TNKS2: variants seen among roughly 807,000 people sequenced by gnomAD.
The protein encoded by TNKS2 is poly [ADP-ribose] polymerase tankyrase-2.
TNKS2 carries 72 observed loss-of-function variants against 137.6 expected under a neutral mutation model. The observed-to-expected ratio is 0.52, with a 90% CI of 0.43 to 0.64. The LOEUF (loss-of-function observed/expected upper bound fraction) is 0.64. Among genes scored for constraint, TNKS2 ranks in the 30% least tolerant of loss-of-function variants. The probability of loss-of-function intolerance (pLI) is 0.00; values close to 1 mark genes in which losing one functional copy is unlikely to be tolerated. For missense variants in TNKS2, 1,049 were observed against 1,410.2 expected (o/e 0.74, Z 4.10); for synonymous variants, 516 against 512.1 (o/e 1.01, Z -0.10).
Position 91,808,430 on chromosome 10 carries a change from A to G in TNKS2, c.200-4553A>G, listed in dbSNP as rs992161762. ...AGTTCATGAAGGAGCTTTTAAGGCC[A>G]TAGTAGAGTGTTTGAATTTTATTCT... On this transcript the variant is annotated intron_variant, in intron 1 of 26. Coordinates refer to ENST00000371627, the MANE Select transcript of TNKS2 (RefSeq NM_025235.4). Among the ~76,000 whole-genome samples the G allele has an allele frequency of 1.2e-4, 18 of 152,296 alleles. No individual in the cohort carries two copies. The East Asian group carries it at 3.3e-3, about 28-fold the overall frequency.
At chr10:91,828,963 T>A (rs1379336157) in intron 9 of TNKS2, among the ~76,000 whole-genome samples, 8 of 152,002 alleles carry the variant, frequency 5.3e-5, no homozygotes. Flanking sequence ...TAGGGATACA[T>A]GATAAAAGAT....
chr10:91,809,813 A>G (rs1844442085), intron 1 of TNKS2, among the ~76,000 whole-genome samples: 1 of 151,420 alleles, frequency 6.6e-6, no homozygotes, highest in Admixed American at 6.6e-5. Flanking sequence ...TTCTTTAAAG[A>G]AAAAAAAAGG....
At chr10:91,816,721 G>A (rs1844714669) in intron 2 of TNKS2, among the ~76,000 whole-genome samples, 1 of 141,810 alleles carries the variant, frequency 7.1e-6, no homozygotes, top group Non-Finnish European at 1.5e-5. Flanking sequence ...ACATATCTCT[G>A]TTCCCAGGCT....
intron 24 of TNKS2, among the ~76,000 whole-genome samples, chr10:91,858,995 C>T (rs1842784125): frequency 6.6e-6 from 1 of 151,398 alleles, no homozygotes; most frequent in African/African-American, 2.4e-5. Flanking sequence ...GGCCACAGAG[C>T]GAGACTACAT....
chr10:91,803,004 C>CA (rs1214702360), intron 1 of TNKS2, among the ~76,000 whole-genome samples: 4 of 152,174 alleles, frequency 2.6e-5, no homozygotes, highest in African/African-American at 9.7e-5. Context: ...ACTTCAATAA[C>CA]AAGAGTTTGG....
At chr10:91,809,751 C>T (rs1844440152) in intron 1 of TNKS2, among the ~76,000 whole-genome samples, 1 of 151,912 alleles carries the variant, frequency 6.6e-6, no homozygotes, top group South Asian at 2.1e-4. Context: ...GACCTATCTA[C>T]TGCCTGTCTC....
chr10:91,814,204 C>T (rs939180315), intron 2 of TNKS2, among the ~76,000 whole-genome samples: 22 of 152,078 alleles, frequency 1.4e-4, no homozygotes, highest in African/African-American at 5.3e-4. Context: ...GATCTTGAGC[C>T]TATGTAGGCC....
At chr10:91,810,275 A>G (rs548054504) in intron 1 of TNKS2, among the ~76,000 whole-genome samples, 54 of 151,886 alleles carry the variant, frequency 3.6e-4, no homozygotes, top group African/African-American at 1.2e-3. Flanking sequence ...CTACTCAGGA[A>G]GCTAAGGCAG....
chr10:91,847,080 G>T (rs1417048509), intron 18 of TNKS2, among the ~76,000 whole-genome samples: 1 of 152,068 alleles, frequency 6.6e-6, no homozygotes, highest in Non-Finnish European at 1.5e-5. Context: ...TAAAGTCTTT[G>T]GCATGGTATC....
At position 91,863,096 on chromosome 10, in the gene TNKS2, C is replaced by A; in HGVS notation, c.*97C>A. 1 of 801,590 alleles carries A rather than the reference C, an allele frequency of 1.2e-6. No individual in the cohort carries two copies. The highest frequency in any genetic ancestry group is 2.0e-6 in the Non-Finnish European group (1 of 493,782). 49.7% of individuals were successfully genotyped at this position (801,590 alleles called of 1,614,324 possible). ...CCTTTGCTGAAAAAAAATCATCTTG[C>A]CCACAGGCCTGTGGCAAAAGGATAA... On this transcript the variant is annotated 3_prime_UTR_variant, in exon 27 of 27. Coordinates refer to ENST00000371627, the MANE Select transcript of TNKS2 (RefSeq NM_025235.4).
chr10:91,840,529 T>C, intron 13 of TNKS2, 32 bp from the exon 14 acceptor site: 1 of 1,580,654 alleles, frequency 6.3e-7, no homozygotes, highest in Non-Finnish European at 8.6e-7. Context: ...TATGTAGATG[T>C]AGTATCATGT....
Position 91,859,494 on chromosome 10 carries a change from G to A in TNKS2, c.3127G>A (p.Gly1043Ser). 6.2e-7 allele frequency: 1 copy of A among 1,611,216 alleles called. No individual in the cohort carries two copies. The highest frequency in any genetic ancestry group is 8.5e-7 in the Non-Finnish European group (1 of 1,178,768). Residue 1043 changes from glycine to serine, a missense_variant, in exon 25 of 27, where the codon GGC becomes AGC. Physicochemically the swap from Gly to Ser is moderately conservative, Grantham distance 56. Transcript: ENST00000371627. ...TTTTGTGAATGCAATTATCCACAAA[G>A]GCTTTGATGAAAGGCATGCGTACAT... Reference protein sequence around the residue: ...SPFVNAIIHKGFDERHAYIGG... With the variant: ...SPFVNAIIHKSFDERHAYIGG...
At chr10:91,853,959 A>T (rs1001416672) in intron 21 of TNKS2, among the ~76,000 whole-genome samples, 20 of 152,254 alleles carry the variant, frequency 1.3e-4, no homozygotes, top group African/African-American at 4.8e-4. Flanking sequence ...CTACAAATAC[A>T]CCAAAGGAAT....
intron 12 of TNKS2, chr10:91,836,710 T>G (rs1400074632): frequency 1.0e-6 from 1 of 984,758 alleles, no homozygotes; most frequent in East Asian, 1.1e-4. Flanking sequence ...ATTTACATAT[T>G]TTGCTTATAT....
chr10:91,826,980 A>G (rs1845089875), intron 7 of TNKS2, 37 bp from the exon 8 acceptor site: 1 of 1,445,090 alleles, frequency 6.9e-7, no homozygotes, highest in Non-Finnish European at 9.2e-7. Context: ...AATTCTTTTA[A>G]AAATTGAACA....
In TNKS2 at chr10:91,851,328, GACA is replaced by G. The variant is rs976713202; in HGVS notation, c.2812_2814del (p.Gln938del). On this transcript the variant is annotated inframe_deletion, in exon 21 of 27. Coordinates refer to ENST00000371627, the MANE Select transcript of TNKS2 (RefSeq NM_025235.4). The stretch of plus-strand genomic sequence containing the variant: ...AAAGGAGTCGAGAGACTTATCTCCG[GACA>G]ACAAGGTATTTTATTTTAATAATTG... 1.2e-6 allele frequency: 2 copies of G among 1,608,968 alleles called. No homozygotes were observed. The highest frequency in any genetic ancestry group is 1.7e-6 in the Non-Finnish European group (2 of 1,178,832).
intron 1 of TNKS2, among the ~76,000 whole-genome samples, chr10:91,806,883 G>C (rs916650734): frequency 3.6e-4 from 55 of 152,092 alleles, no homozygotes; most frequent in Admixed American, 8.5e-4. Context: ...TCAAATTACT[G>C]ATACAAATTT....
At chr10:91,807,838 CA>C (rs1237107357) in intron 1 of TNKS2, among the ~76,000 whole-genome samples, 4 of 151,270 alleles carry the variant, frequency 2.6e-5, no homozygotes, top group Non-Finnish European at 5.9e-5. Context: ...ACTAAAAATA[CA>C]AAAAAAATTA....
intron 24 of TNKS2, among the ~76,000 whole-genome samples, chr10:91,859,045 C>T (rs1233413894): frequency 2.0e-5 from 3 of 151,960 alleles, no homozygotes; most frequent in Non-Finnish European, 4.4e-5. Flanking sequence ...TGAAAGTCTA[C>T]TTGGGCCACT....
Sources: gnomAD v4.1 joint callset for allele counts (sites outside exome capture counted in the v4.1 genomes callset) on GRCh38, gnomAD v4.1.1 for gene constraint, MANE v1.5 for transcripts, NCBI Gene and HGNC (gene_info 2026-07-23, HGNC 2026-07-21) for gene names.